The following SEPTIN5 variants were observed in gnomAD, a reference collection of about 807,000 sequenced individuals.
SEPTIN5 encodes the protein septin-5.
Under a neutral mutation model 51.2 loss-of-function variants are expected in SEPTIN5, and 16 were observed. That is an observed-to-expected ratio of 0.31 (90% CI 0.21 to 0.47). The LOEUF is 0.47. SEPTIN5 is among the 20% of genes least tolerant of loss of function. The pLI, the probability that SEPTIN5 is intolerant of heterozygous loss-of-function variation, is 0.99. For synonymous variants in SEPTIN5, 208 were observed against 191.2 expected (o/e 1.09, Z -0.72); for missense variants, 376 against 500.3 (o/e 0.75, Z 2.37).
chr22:19,716,975 G>A (rs1236549251), intron 2 of SEPTIN5, among the ~76,000 whole-genome samples: 1 of 152,198 alleles, frequency 6.6e-6, no homozygotes, highest in Non-Finnish European at 1.5e-5. Context: ...AGGCTTTCTG[G>A]CAGCAAGGAC....
intron 2 of SEPTIN5, chr22:19,717,100 A>G (rs1043952321): frequency 1.2e-5 from 4 of 328,860 alleles, no homozygotes; most frequent in African/African-American, 2.3e-5. Flanking sequence ...CCAGTGGTCC[A>G]GGCCCCACAA....
Position 19,722,550 on chromosome 22 carries a change from G to C in SEPTIN5, c.*66G>C, listed in dbSNP as rs1936068747. 1.5e-5 allele frequency: 23 copies of C among 1,517,534 alleles called. No homozygotes were observed. Among genetic ancestry groups the C allele is most frequent in the Non-Finnish European group, 2.1e-5 (23 of 1,118,774 alleles). 94.0% of individuals were successfully genotyped at this position (1,517,534 alleles called of 1,614,324 possible). ...GCACCCCTGGACACCAGACCGGACT[G>C]TTCCCGACCCGGAGACGCGGGGCCA... is the stretch of plus-strand genomic sequence containing the variant. On this transcript the variant is annotated 3_prime_UTR_variant, in exon 12 of 12. Transcript: ENST00000455784.
chr22:19,717,197 G>T (rs1935923384), intron 2 of SEPTIN5: 1 of 420,238 alleles, frequency 2.4e-6, no homozygotes, highest in East Asian at 7.4e-5. Context: ...GGTGGGGTGG[G>T]GTTGGGGCCT....
chr22:19,721,512 G>A (rs959337653), intron 8 of SEPTIN5, 128 bp from the exon 9 acceptor site: 8 of 1,016,512 alleles, frequency 7.9e-6, no homozygotes, highest in Non-Finnish European at 1.2e-5. Flanking sequence ...GCAACGCCAG[G>A]ATCTCTTTGA....
chr22:19,720,613 A>G lies in SEPTIN5; in HGVS notation c.562A>G (p.Ile188Val). ...TGAGAAGGTCAACATCGTGCCTCTCATCGCCAAAGCTGACTGTCTTGTCCC... is the reference window on the plus strand; with the variant it reads ...TGAGAAGGTCAACATCGTGCCTCTCGTCGCCAAAGCTGACTGTCTTGTCCC... ...LHEKVNIVPL[I>V]AKADCLVPSE... The change falls in exon 7 of 12, where the codon ATC becomes GTC. Residue 188 changes from isoleucine to valine, a missense_variant. Ile to Val is a conservative substitution (Grantham distance 29). Transcript: ENST00000455784. The G allele has an allele frequency of 6.2e-7, 1 of 1,612,958 alleles. No homozygotes were observed. The highest frequency in any genetic ancestry group is 8.5e-7 in the Non-Finnish European group (1 of 1,179,962).
intron 8 of SEPTIN5, among the ~76,000 whole-genome samples, chr22:19,721,395 G>T (rs1241829428): frequency 2.6e-5 from 4 of 152,180 alleles, no homozygotes. Context: ...CTTGATGAGG[G>T]AGGAGATGAG....
At position 19,723,247 on chromosome 22, in the gene SEPTIN5, C is replaced by A. The variant is rs1250379217; in HGVS notation, c.*763C>A. On this transcript the variant is annotated 3_prime_UTR_variant, in exon 12 of 12. Coordinates refer to ENST00000455784, the MANE Select transcript of SEPTIN5 (RefSeq NM_002688.6). The stretch of plus-strand genomic sequence containing the variant: ...ACCCGCATGATCCCTTCCCGCCACA[C>A]GATGCTCCGTTTTCTTCCGTTGTGA... The A allele has an allele frequency of 1.5e-6, 1 of 666,188 alleles. No individual in the cohort carries two copies. Among genetic ancestry groups the A allele is most frequent in the Non-Finnish European group, 2.8e-6 (1 of 361,848 alleles). The allele number at this position is 666,188 out of a possible 1,614,324, so 41.3% of individuals were successfully genotyped here. A position where few individuals can be genotyped will look rare whatever the true frequency, so the allele number is the denominator to read the frequency against.
rs1936002562 is a variant in SEPTIN5, at chr22:19,720,337, A to G, written c.380A>G (p.Asp127Gly). 5 of 1,613,818 alleles carry G rather than the reference A, an allele frequency of 3.1e-6. No individual in the cohort carries two copies. The South Asian group carries it at 5.5e-5, about 18-fold the overall frequency. The stretch of plus-strand genomic sequence containing the variant: ...GCCCACAGCTGGAAGCCCATCACCG[A>G]CTATGTGGACCAGCAGTTTGAGCAG... ...NNTECWKPITDYVDQQFEQYF... is the reference protein window; with the variant it reads ...NNTECWKPITGYVDQQFEQYF... Residue 127 changes from aspartate (D) to glycine (G), a missense_variant, in exon 6 of 12, where the codon GAC becomes GGC. This residue lies in a region of SEPTIN5 where 287 missense variants were observed against 417.1 expected (regional missense o/e 0.69). Transcript: ENST00000455784.
Position 19,721,053 on chromosome 22 carries a change from C to T in SEPTIN5, c.717+184C>T, listed in dbSNP as rs117871662. On this transcript the variant is annotated intron_variant, in intron 8 of 11. Coordinates refer to ENST00000455784, the MANE Select transcript of SEPTIN5 (RefSeq NM_002688.6). ...TCATCCAGGGCTAGAAGGTAAAGGT[C>T]ACCATGTCTTTGCCTGGCTGGGGTG... Among the ~76,000 whole-genome samples the T allele has an allele frequency of 1.8e-4, 28 of 152,320 alleles. No individual in the cohort carries two copies. The East Asian group carries it at 5.4e-3, about 29-fold the overall frequency.
chr22:19,722,097 C>T (rs1936052670), intron 10 of SEPTIN5, 140 bp downstream of exon 10: 10 of 1,233,738 alleles, frequency 8.1e-6, no homozygotes, highest in Non-Finnish European at 8.9e-6. Flanking sequence ...AGAGCCTGGT[C>T]TCCCTAGAAC....
rs1409743876 is a variant in SEPTIN5, at chr22:19,714,513, C to G, written c.-76C>G. 9.4e-7 allele frequency: 1 copy of G among 1,059,022 alleles called. No homozygotes were observed. Among genetic ancestry groups the G allele is most frequent in the Non-Finnish European group, 1.2e-6 (1 of 839,300 alleles). The allele number at this position is 1,059,022 out of a possible 1,614,324, so 65.6% of individuals were successfully genotyped here. ...GCGGAGGGGCCGCTCACCCCGCAGC[C>G]CGGCCTCGGCCTCCGCCGCTTGTCG... is the stretch of plus-strand genomic sequence containing the variant. On this transcript the variant is annotated 5_prime_UTR_variant, in exon 1 of 12. Transcript: ENST00000455784. This position sits in a 1 kb window ranked among gnomAD's most constrained non-coding sequence, Gnocchi z 5.2.
At chr22:19,719,940 AT>A in intron 4 of SEPTIN5, 48 bp downstream of exon 4, 3 of 1,605,984 alleles carry the variant, frequency 1.9e-6, no homozygotes, top group Non-Finnish European at 2.6e-6. Context: ...GTCCCCTTCC[AT>A]GGGACCTCTC....
At position 19,722,218 on chromosome 22, in the gene SEPTIN5, T is replaced by G; in HGVS notation, c.951-19T>G. ...CCCGGTGGCGCCGCCCCGCCCATCC[T>G]CCCCCCCGCCCCGCGCAGCAAACTG... On this transcript the variant is annotated intron_variant, in intron 10 of 11. Coordinates refer to ENST00000455784, the MANE Select transcript of SEPTIN5 (RefSeq NM_002688.6). The G allele has an allele frequency of 1.8e-6, 2 of 1,105,192 alleles. No individual in the cohort carries two copies. Among genetic ancestry groups the G allele is most frequent in the Non-Finnish European group, 2.6e-6 (2 of 776,626 alleles). 68.5% of individuals were successfully genotyped at this position (1,105,192 alleles called of 1,614,324 possible).
At chr22:19,718,955 C>G in intron 2 of SEPTIN5, 1 of 920,196 alleles carries the variant, frequency 1.1e-6, no homozygotes, top group Non-Finnish European at 1.4e-6. Flanking sequence ...CCTCGCAGGT[C>G]CGCGGCCCCA....
At chr22:19,719,328 G>C (rs1192884257) in intron 2 of SEPTIN5, 7 of 401,974 alleles carry the variant, frequency 1.7e-5, no homozygotes, top group South Asian at 3.6e-5. Context: ...TGCCTGCTGC[G>C]GCCTGACATC....
rs1354981707 is a variant in SEPTIN5, at chr22:19,714,679, C to T, written c.43+48C>T. 2.0e-6 allele frequency: 3 copies of T among 1,518,766 alleles called. No homozygotes were observed. Among genetic ancestry groups the T allele is most frequent in the African/African-American group, 1.4e-5 (1 of 70,158 alleles). 94.1% of individuals were successfully genotyped at this position (1,518,766 alleles called of 1,614,324 possible). A position where few individuals can be genotyped will look rare whatever the true frequency, so the allele number is the denominator to read the frequency against. ...TGCCCGCGCGCGCCTTTGTCCCCGC[C>T]GCCCGCGCGCCTCTCACCGTGTCTC... On this transcript the variant is annotated intron_variant, in intron 1 of 11. Coordinates refer to ENST00000455784, the MANE Select transcript of SEPTIN5 (RefSeq NM_002688.6). The surrounding 1 kb of genome is among the most constrained non-coding windows in gnomAD (Gnocchi z 5.2).
At chr22:19,717,415 C>G (rs1935928364) in intron 2 of SEPTIN5, 1 of 462,402 alleles carries the variant, frequency 2.2e-6, no homozygotes, top group Non-Finnish European at 4.5e-6. Flanking sequence ...GCAGGAGCTC[C>G]CAGTCCCTCC....
At chr22:19,720,970 G>T in intron 8 of SEPTIN5, 101 bp downstream of exon 8, 1 of 1,018,066 alleles carries the variant, frequency 9.8e-7, no homozygotes, top group Non-Finnish European at 1.5e-6. Flanking sequence ...GGAGGGCCAG[G>T]TCAGCCCAGT....
rs751908988 is a variant in SEPTIN5, at chr22:19,720,411, C to T, written c.454C>T (p.Arg152Ter). ...GLNRKNIQDN[R>*]VHCCLYFISP... Reference sequence around the variant, plus strand: ...CAACCGAAAGAACATCCAAGACAACCGAGTGCACTGCTGCCTATACTTCAT... The same window carrying T: ...CAACCGAAAGAACATCCAAGACAACTGAGTGCACTGCTGCCTATACTTCAT... Residue 152 changes from arginine to a stop codon, truncating the protein, a stop_gained, in exon 6 of 12, where the codon CGA (arginine) becomes TGA (stop). Coordinates refer to ENST00000455784, the MANE Select transcript of SEPTIN5 (RefSeq NM_002688.6). LOFTEE classifies it high-confidence loss of function. The T allele has an allele frequency of 1.2e-6, 2 of 1,614,016 alleles. No individual in the cohort carries two copies. Among genetic ancestry groups the T allele is most frequent in the South Asian group, 1.1e-5 (1 of 91,090 alleles).
Sources: allele counts gnomAD v4.1 joint callset (sites outside exome capture counted in the v4.1 genomes callset), GRCh38; gene constraint gnomAD v4.1.1; regional missense constraint gnomAD v4.1.1; non-coding constraint Gnocchi (gnomAD v3.1); transcripts MANE v1.5; gene names NCBI Gene and HGNC (gene_info 2026-07-23, HGNC 2026-07-21).